Variants in VEPH1 observed in about 807,000 individuals in gnomAD.
The protein encoded by VEPH1 is ventricular zone-expressed PH domain-containing protein homolog 1.
A neutral mutation model predicts 85.2 loss-of-function variants in VEPH1; 80 were observed. The observed-to-expected ratio is 0.94, with a 90% CI of 0.78 to 1.13. VEPH1 has a LOEUF of 1.13. Among genes scored for constraint, VEPH1 ranks in the 50% most tolerant of loss-of-function variants. VEPH1 has a pLI of 0.00. For missense variants in VEPH1, 955 were observed against 980.5 expected (o/e 0.97, Z 0.35); for synonymous variants, 297 against 348.0 (o/e 0.85, Z 1.63).
chr3:157,434,102 T>C (rs1394145690), intron 4 of VEPH1, among the ~76,000 whole-genome samples: 3 of 152,212 alleles, frequency 2.0e-5, no homozygotes, highest in Non-Finnish European at 4.4e-5. Context: ...AGTATTTCTT[T>C]GTATCATAAT....
intron 1 of VEPH1, among the ~76,000 whole-genome samples, chr3:157,497,696 C>G (rs766889267): frequency 1.9e-4 from 29 of 152,268 alleles, no homozygotes; most frequent in Non-Finnish European, 3.8e-4. Flanking sequence ...TACAGAGGAG[C>G]ACCCCCAGGC....
At chr3:157,436,767 A>T in intron 4 of VEPH1, 1 of 536,584 alleles carries the variant, frequency 1.9e-6, no homozygotes, top group Non-Finnish European at 3.0e-6. Context: ...AACTCCCGTT[A>T]CCGCAGTGCC....
intron 7 of VEPH1, among the ~76,000 whole-genome samples, chr3:157,378,336 A>G (rs1728379470): frequency 4.2e-5 from 3 of 70,922 alleles, no homozygotes; most frequent in South Asian, 5.1e-4. Context: ...ATATATATAT[A>G]TATATATATA....
chr3:157,491,030 A>AAAAT (rs1180390415), intron 2 of VEPH1, among the ~76,000 whole-genome samples: 1 of 152,190 alleles, frequency 6.6e-6, no homozygotes, highest in African/African-American at 2.4e-5. Context: ...ATAAAGTTTA[A>AAAAT]AAATACAAAA....
At chr3:157,403,116 C>T (rs1440070264) in intron 6 of VEPH1, among the ~76,000 whole-genome samples, 2 of 152,114 alleles carry the variant, frequency 1.3e-5, no homozygotes, top group Admixed American at 1.3e-4. Flanking sequence ...TCATCTACTT[C>T]CAATTACTCT....
At chr3:157,428,582 C>A in intron 4 of VEPH1, 94 bp from the exon 5 acceptor site, 1 of 1,220,948 alleles carries the variant, frequency 8.2e-7, no homozygotes, top group Non-Finnish European at 1.2e-6. Context: ...TGCACTTACA[C>A]ATTAAATAGC....
chr3:157,466,899 A>G (rs1484472992), intron 3 of VEPH1, among the ~76,000 whole-genome samples: 1 of 152,208 alleles, frequency 6.6e-6, no homozygotes, highest in East Asian at 1.9e-4. Context: ...CCATATATGT[A>G]CCGATTTTGT....
At chr3:157,438,028 C>CAA (rs1477114518) in intron 4 of VEPH1, 135 of 839,530 alleles carry the variant, frequency 1.6e-4, no homozygotes, top group Non-Finnish European at 2.3e-4. Flanking sequence ...GAAGCGCGCG[C>CAA]GCGCGCGCGC....
chr3:157,296,286 T>C (rs1553759533), intron 11 of VEPH1, among the ~76,000 whole-genome samples: 1 of 152,266 alleles, frequency 6.6e-6, no homozygotes, highest in Non-Finnish European at 1.5e-5. Context: ...ATCACATTTC[T>C]GTACTTTTCT....
At chr3:157,402,253 C>T (rs1217954869) in intron 6 of VEPH1, among the ~76,000 whole-genome samples, 1 of 152,150 alleles carries the variant, frequency 6.6e-6, no homozygotes, top group African/African-American at 2.4e-5. Context: ...CTCTTACCCC[C>T]TAGCTTTATT....
intron 9 of VEPH1, among the ~76,000 whole-genome samples, chr3:157,331,842 G>A (rs1471227651): frequency 2.0e-5 from 3 of 152,300 alleles, no homozygotes; most frequent in South Asian, 2.1e-4. Context: ...TTGTACATAA[G>A]CTTTATTATC....
At chr3:157,304,023 T>TATATATACA (rs1553761055) in intron 11 of VEPH1, among the ~76,000 whole-genome samples, 1 of 89,134 alleles carries the variant, frequency 1.1e-5, no homozygotes, top group Admixed American at 1.3e-4. Flanking sequence ...CTTATATTTT[T>TATATATACA]TATATATATA....
intron 11 of VEPH1, among the ~76,000 whole-genome samples, chr3:157,307,147 C>T: frequency 6.6e-6 from 1 of 151,408 alleles, no homozygotes; most frequent in African/African-American, 2.4e-5. Context: ...AATAAAGTTA[C>T]TCACCCATCT....
At chr3:157,324,050 C>A (rs1175855532) in intron 9 of VEPH1, among the ~76,000 whole-genome samples, 2 of 151,948 alleles carry the variant, frequency 1.3e-5, no homozygotes, top group East Asian at 1.9e-4. Context: ...TTAAAGCAGG[C>A]AATTTATTTA....
chr3:157,276,545 G>A (rs150020436), intron 12 of VEPH1, among the ~76,000 whole-genome samples: 4 of 152,126 alleles, frequency 2.6e-5, no homozygotes, highest in African/African-American at 7.2e-5. Flanking sequence ...TATGATATAC[G>A]AAAGAGTAAA....
At chr3:157,469,714 TAG>T (rs1424971033) in intron 3 of VEPH1, among the ~76,000 whole-genome samples, 1 of 152,216 alleles carries the variant, frequency 6.6e-6, no homozygotes, top group Non-Finnish European at 1.5e-5. Context: ...GCATTTCACA[TAG>T]AGGACCCTGT....
intron 4 of VEPH1, chr3:157,438,058 CA>C: frequency 2.6e-6 from 2 of 755,066 alleles, no homozygotes; most frequent in Non-Finnish European, 4.1e-6. Flanking sequence ...CACACACACA[CA>C]CACACACACA....
intron 9 of VEPH1, among the ~76,000 whole-genome samples, chr3:157,345,922 C>T (rs1024367127): frequency 1.3e-5 from 2 of 152,012 alleles, no homozygotes; most frequent in Non-Finnish European, 2.9e-5. Context: ...CAGCAACTAT[C>T]CCAAGGACAA....
At chr3:157,362,562 C>A (rs1726167214) in intron 9 of VEPH1, among the ~76,000 whole-genome samples, 1 of 152,146 alleles carries the variant, frequency 6.6e-6, no homozygotes, top group African/African-American at 2.4e-5. Flanking sequence ...TTTGACTTTA[C>A]AATGGTGTGA....
Sources: gnomAD v4.1 joint callset for allele counts (sites outside exome capture counted in the v4.1 genomes callset) on GRCh38, gnomAD v4.1.1 for gene constraint, MANE v1.5 for transcripts, NCBI Gene and HGNC (gene_info 2026-07-23, HGNC 2026-07-21) for gene names.